The following STOML1 variants were observed in gnomAD, a reference collection of about 807,000 sequenced individuals.
STOML1 encodes the protein stomatin like 1.
STOML1 carries 27 observed loss-of-function variants against 35.7 expected under a neutral mutation model. That is an observed-to-expected ratio of 0.76 (90% CI 0.56 to 1.04). The LOEUF (loss-of-function observed/expected upper bound fraction) is 1.04, where lower values mean the gene tolerates loss of function less well. Ranked by LOEUF, STOML1 falls within the 50% of genes least tolerant of loss-of-function variation. The pLI is 0.00. For missense variants in STOML1, 451 were observed against 527.1 expected, an observed-to-expected ratio of 0.86 and a Z score of 1.41; for synonymous variants, 219 against 227.9, an observed-to-expected ratio of 0.96 and a Z score of 0.35.
At chr15:73,991,064 C>T (rs2069259094) in intron 1 of STOML1, 1 of 1,309,616 alleles carries the variant, frequency 7.6e-7, no homozygotes, top group African/African-American at 1.5e-5. Flanking sequence ...ATGCCTATTT[C>T]ACGAGATGGC....
chr15:73,992,209 A>G lies in STOML1; in HGVS notation c.15T>C (p.Ser5=). 5 of 1,603,120 alleles carry G rather than the reference A, an allele frequency of 3.1e-6. No homozygotes were observed. The East Asian group carries it at 1.2e-4, about 37-fold the overall frequency. ...CACCCAGGGGCAGCGCCCGGTACCCAGACCTGCCGAGCATGGCTTTTGACA... is the reference window on the plus strand; with the variant it reads ...CACCCAGGGGCAGCGCCCGGTACCCGGACCTGCCGAGCATGGCTTTTGACA... MLGR[S]GYRALPLGDF... is the part of the protein sequence containing the mutation. Residue 5 remains serine (S), a synonymous_variant, in exon 1 of 7, where the codon TCT becomes TCC. Transcript: ENST00000541638.
intron 1 of STOML1, chr15:73,991,645 C>T (rs1048703621): frequency 4.1e-5 from 19 of 460,818 alleles, no homozygotes; most frequent in African/African-American, 3.8e-4. Context: ...TTGGCCTGCA[C>T]ATCCAGGAGA....
At chr15:73,984,997 TCTGTTCAACTTC>T in intron 5 of STOML1, 126 bp from the exon 6 acceptor site, 11 of 1,113,706 alleles carry the variant, frequency 9.9e-6, no homozygotes, top group Non-Finnish European at 1.4e-5. Context: ...CCTTCAGGCC[TCTGTTCAACTTC>T]CTCCTCTACC....
chr15:73,984,325 T>C (rs2069018352), intron 6 of STOML1, among the ~76,000 whole-genome samples, 195 bp from the exon 7 acceptor site: 1 of 152,244 alleles, frequency 6.6e-6, no homozygotes, highest in African/African-American at 2.4e-5. Flanking sequence ...GTGATGATAA[T>C]TCCTTTAGAG....
At position 73,980,941 on chromosome 15, in the gene STOML1, G is replaced by C. The variant is rs1781426783; in HGVS notation, c.*2996C>G. The C allele has an allele frequency of 6.6e-6, 1 of 152,202 alleles. No individual in the cohort carries two copies. Among genetic ancestry groups the C allele is most frequent in the African/African-American group, 2.4e-5 (1 of 41,414 alleles). The allele number at this position is 152,202 out of a possible 1,614,324, so 9.4% of individuals were successfully genotyped here. ...CACAACCTGTGGTCCCAGCTACTCA[G>C]GAAGCTGAGGCAAGAGGATCGTTTG... is the stretch of plus-strand genomic sequence containing the variant. On this transcript the variant is annotated 3_prime_UTR_variant, in exon 7 of 7. Transcript: ENST00000541638.
chr15:73,985,837 A>C (rs966293403), intron 4 of STOML1: 111 of 300,074 alleles, frequency 3.7e-4, no homozygotes, highest in Non-Finnish European at 6.2e-4. Context: ...TGGAGCTGCG[A>C]GGAACCAGAG....
At position 73,984,841 on chromosome 15, in the gene STOML1, T is replaced by C; in HGVS notation, c.821A>G (p.Glu274Gly). The C allele has an allele frequency of 1.2e-6, 2 of 1,614,016 alleles. No individual in the cohort carries two copies. The highest frequency in any genetic ancestry group is 1.7e-6 in the Non-Finnish European group (2 of 1,179,998). The change falls in exon 6 of 7, where the codon GAG (glutamate) becomes GGG (glycine). Residue 274 changes from glutamate to glycine, a missense_variant. By Grantham distance (98) the Glu-to-Gly change is moderately conservative. Transcript: ENST00000541638. ...GGCACCAACTTGAGGGGCAGGTGGC[T>C]CAACTTCACTCACCATCTCCACGGT... The part of the protein sequence containing the change: ...ADTVEMVSEV[E>G]PPAPQVGARS...
At position 73,981,776 on chromosome 15, in the gene STOML1, C is replaced by G; in HGVS notation, c.*2161G>C. 1 of 152,564 alleles carries G rather than the reference C, an allele frequency of 6.6e-6. No homozygotes were observed. Among genetic ancestry groups the G allele is most frequent in the Non-Finnish European group, 1.5e-5 (1 of 68,202 alleles). 9.5% of individuals were successfully genotyped at this position (152,564 alleles called of 1,614,324 possible). On this transcript the variant is annotated 3_prime_UTR_variant, in exon 7 of 7. Coordinates refer to ENST00000541638, the MANE Select transcript of STOML1 (RefSeq NM_004809.5). ...CTCCTCCTCCCTCTTCACACCGACCCTTTAGGTGGCCCTTGTCCTTCCTCC... is the reference window on the plus strand; with the variant it reads ...CTCCTCCTCCCTCTTCACACCGACCGTTTAGGTGGCCCTTGTCCTTCCTCC...
chr15:73,990,097 C>A, intron 2 of STOML1: 1 of 430,430 alleles, frequency 2.3e-6, no homozygotes, highest in East Asian at 4.1e-5. Context: ...ACCTTAAAGC[C>A]AGTGTCCAGA....
At position 73,984,870 on chromosome 15, in the gene STOML1, T is replaced by C; in HGVS notation, c.792A>G (p.Ala264=). 1.9e-6 allele frequency: 3 copies of C among 1,613,900 alleles called. No individual in the cohort carries two copies. The highest frequency in any genetic ancestry group is 2.5e-6 in the Non-Finnish European group (3 of 1,180,000). ...CTTCACTCACCATCTCCACGGTGTC[T>C]GCTGGGGGTGGCCAACAGGGTTGGG... ...MAGGAPSPGP[A]DTVEMVSEVE... Residue 264 remains alanine, a splice_region_variant and synonymous_variant, in exon 6 of 7, where the codon GCA becomes GCG. Coordinates refer to ENST00000541638, the MANE Select transcript of STOML1 (RefSeq NM_004809.5).
Position 73,985,263 on chromosome 15 carries a change from C to T in STOML1, c.790+55G>A. The T allele has an allele frequency of 2.0e-6, 3 of 1,487,350 alleles. No individual in the cohort carries two copies. The South Asian group carries it at 4.3e-5, about 21-fold the overall frequency. The allele number at this position is 1,487,350 out of a possible 1,614,324, so 92.1% of individuals were successfully genotyped here. On this transcript the variant is annotated intron_variant, in intron 5 of 6. Coordinates refer to ENST00000541638, the MANE Select transcript of STOML1 (RefSeq NM_004809.5). ...GAGCTGCTGGGATAGTGAGCAAAGT[C>T]TGTGCTGGCACCAAGCTGGTAAACA...
At chr15:73,993,669 T>C (rs918962232), upstream of STOML1, among the ~76,000 whole-genome samples, 27 of 152,152 alleles carry the variant, frequency 1.8e-4, no homozygotes, top group African/African-American at 5.8e-4. Flanking sequence ...GTTTCTAAGT[T>C]GGAACAGAGT....
chr15:73,993,230 G>C (rs530499122), upstream of STOML1, among the ~76,000 whole-genome samples: 1 of 152,334 alleles, frequency 6.6e-6, no homozygotes, highest in African/African-American at 2.4e-5. Context: ...CCTTGATCCA[G>C]GTACCTGGAA....
chr15:73,990,904 A>C, intron 1 of STOML1: 2 of 1,532,694 alleles, frequency 1.3e-6, no homozygotes, highest in East Asian at 2.4e-5. Flanking sequence ...TCAGCCCCAG[A>C]AGTGTGCTTT....
rs1264754723 is a variant in STOML1, at chr15:73,981,458, A to G, written c.*2479T>C. The G allele has an allele frequency of 6.6e-6, 1 of 152,236 alleles. No homozygotes were observed. Among genetic ancestry groups the G allele is most frequent in the African/African-American group, 2.4e-5 (1 of 41,460 alleles). The allele number at this position is 152,236 out of a possible 1,614,324, so 9.4% of individuals were successfully genotyped here. On this transcript the variant is annotated 3_prime_UTR_variant, in exon 7 of 7. Coordinates refer to ENST00000541638, the MANE Select transcript of STOML1 (RefSeq NM_004809.5). Reference sequence around the variant, plus strand: ...TATCATTATTCACCAGGTTATCTTGAAGAAAAATATAATAAGAAGTGTCTA... The same window carrying G: ...TATCATTATTCACCAGGTTATCTTGGAGAAAAATATAATAAGAAGTGTCTA...
chr15:73,989,141 C>T lies in STOML1; in HGVS notation c.357G>A (p.Leu119=). ...PFIDSFQRVD[L]RTRAFNVPPC... Reference sequence around the variant, plus strand: ...GAGGGACGTTGAAGGCTCGTGTCCTCAGATCCACCCTCTGAAAGGAGTCAA... The same window carrying T: ...GAGGGACGTTGAAGGCTCGTGTCCTTAGATCCACCCTCTGAAAGGAGTCAA... Residue 119 remains leucine, a synonymous_variant, in exon 3 of 7, where the codon CTG becomes CTA. Coordinates refer to ENST00000541638, the MANE Select transcript of STOML1 (RefSeq NM_004809.5). 1 of 1,610,384 alleles carries T rather than the reference C, an allele frequency of 6.2e-7. No individual in the cohort carries two copies. The highest frequency in any genetic ancestry group is 1.7e-5 in the Admixed American group (1 of 59,408).
chr15:73,984,045 T>A lies in STOML1; in HGVS notation c.1089A>T (p.Leu363=), dbSNP rs766772797. 4.3e-6 allele frequency: 7 copies of A among 1,614,066 alleles called. No homozygotes were observed. The highest frequency in any genetic ancestry group is 5.1e-6 in the Non-Finnish European group (6 of 1,180,028). Residue 363 remains leucine, a synonymous_variant, in exon 7 of 7, where the codon CTA becomes CTT. Transcript: ENST00000541638. ...CCCCCAGGGGCCGCAGCTCTCTGCA[T>A]AGCAGGGCCCGCAGGTCTGCCTCGG... ...EMAEADLRAL[L]CRELRPLGAY...
At chr15:73,984,951 C>T (rs2141664364) in intron 5 of STOML1, 80 bp from the exon 6 acceptor site, 1 of 1,514,822 alleles carries the variant, frequency 6.6e-7, no homozygotes, top group South Asian at 1.2e-5. Context: ...CTCACTGTGG[C>T]CTCTGCACCT....
At chr15:73,992,564 T>C (rs1455412812), upstream of STOML1, among the ~76,000 whole-genome samples, 2 of 152,092 alleles carry the variant, frequency 1.3e-5, no homozygotes, top group Non-Finnish European at 2.9e-5. Flanking sequence ...ATCCATCAAT[T>C]TGGGAGACTC....
Sources: gnomAD v4.1 joint callset for allele counts (sites outside exome capture counted in the v4.1 genomes callset) on GRCh38, gnomAD v4.1.1 for gene constraint, MANE v1.5 for transcripts, NCBI Gene and HGNC (gene_info 2026-07-23, HGNC 2026-07-21) for gene names.